The following BCAS3 variants were observed in gnomAD, a reference collection of about 807,000 sequenced individuals.
BCAS3 encodes BCAS3 microtubule associated cell migration factor.
BCAS3 carries 53 observed loss-of-function variants against 116.1 expected under a neutral mutation model. The observed-to-expected ratio is 0.46, with a 90% CI of 0.37 to 0.57. The LOEUF (loss-of-function observed/expected upper bound fraction) is 0.57, where lower values mean the gene tolerates loss of function less well. Ranked by LOEUF, BCAS3 falls within the 20% of genes least tolerant of loss-of-function variation. BCAS3 has a pLI of 0.00. For missense variants in BCAS3, 917 were observed against 1,165.4 expected, an observed-to-expected ratio of 0.79 and a Z score of 3.10; for synonymous variants, 391 against 408.2, an observed-to-expected ratio of 0.96 and a Z score of 0.51.
At chr17:61,195,720 G>T (rs958851329) in intron 22 of BCAS3, among the ~76,000 whole-genome samples, 9 of 151,072 alleles carry the variant, frequency 6.0e-5, no homozygotes, top group Admixed American at 1.3e-4. Flanking sequence ...TCTTTCTCAG[G>T]CTGGACTCAG....
chr17:60,685,450 CA>C (rs1204965872), intron 3 of BCAS3, among the ~76,000 whole-genome samples: 2,157 of 54,430 alleles, frequency 0.04, 91 homozygotes, highest in East Asian at 0.38. Context: ...AACTCCGTCT[CA>C]AAAAAAAAAA....
At position 61,052,135 on chromosome 17, in the gene BCAS3, T is replaced by A. The variant is rs535188081; in HGVS notation, c.2029+11243T>A. 5.3e-4 allele frequency among the ~76,000 whole-genome samples: 81 copies of A among 152,168 alleles called. 1 individual carries two copies. In the South Asian group the frequency reaches 0.012, roughly 23 times the overall value. On this transcript the variant is annotated intron_variant, in intron 19 of 23. Coordinates refer to ENST00000407086, the MANE Select transcript of BCAS3 (RefSeq NM_017679.5). ...TACAATTATGTCTTCAAATATTTTTTCTTTCACTCTCTCTGTCACTTTCCC... is the reference window on the plus strand; with the variant it reads ...TACAATTATGTCTTCAAATATTTTTACTTTCACTCTCTCTGTCACTTTCCC...
chr17:61,069,227 G>C (rs543213340), intron 19 of BCAS3, among the ~76,000 whole-genome samples: 1 of 152,254 alleles, frequency 6.6e-6, no homozygotes, highest in Admixed American at 6.5e-5. Flanking sequence ...AGATTTACAG[G>C]AAAAGGGAAG....
Position 60,770,870 on chromosome 17 carries a change from C to T in BCAS3, c.403+23591C>T, listed in dbSNP as rs557366724. On this transcript the variant is annotated intron_variant, in intron 6 of 23. Transcript: ENST00000407086. ...TTTTTTTTTTTTTTTTTTTTTGAGACAGGGTCTCACTCTGTCACGCAGGCT... is the reference window on the plus strand; with the variant it reads ...TTTTTTTTTTTTTTTTTTTTTGAGATAGGGTCTCACTCTGTCACGCAGGCT... Among the ~76,000 whole-genome samples, 145 of 89,480 alleles carry T rather than the reference C, an allele frequency of 1.6e-3. 1 individual carries two copies. Among genetic ancestry groups the T allele is most frequent in the African/African-American group, 5.3e-3 (138 of 25,840 alleles). The allele number at this position is 89,480 out of a possible 152,430, so 58.7% of individuals were successfully genotyped here.
rs35598768 is a variant in BCAS3, at chr17:61,252,881, A to ATTT, written c.2426-115432_2426-115430dup. 1.9e-4 allele frequency among the ~76,000 whole-genome samples: 26 copies of ATTT among 137,646 alleles called. 1 individual carries two copies. The highest frequency in any genetic ancestry group is 3.4e-3 in the Middle Eastern group (1 of 292). The allele number at this position is 137,646 out of a possible 152,430, so 90.3% of individuals were successfully genotyped here. Reference sequence around the variant, plus strand: ...GCTGTCCAGTAATCTGTTCCTATACATTTTTTTTTTTTTTTTGAGATGGAG... The same window carrying ATTT: ...GCTGTCCAGTAATCTGTTCCTATACATTTTTTTTTTTTTTTTTTTGAGATGGAG... On this transcript the variant is annotated intron_variant, in intron 22 of 23. Coordinates refer to ENST00000407086, the MANE Select transcript of BCAS3 (RefSeq NM_017679.5).
intron 22 of BCAS3, among the ~76,000 whole-genome samples, chr17:61,252,739 A>G (rs561644357): frequency 2.0e-5 from 3 of 152,314 alleles, no homozygotes; most frequent in Non-Finnish European, 2.9e-5. Context: ...GCTTACAACC[A>G]TAGTGATAGA....
At chr17:60,719,155 A>G (rs1210480171) in intron 5 of BCAS3, among the ~76,000 whole-genome samples, 5 of 152,234 alleles carry the variant, frequency 3.3e-5, no homozygotes, top group African/African-American at 1.2e-4. Context: ...AAAATAAGAA[A>G]GGTATGTGAA....
chr17:61,322,613 T>C (rs1229148605), intron 22 of BCAS3, among the ~76,000 whole-genome samples: 1 of 152,218 alleles, frequency 6.6e-6, no homozygotes, highest in Non-Finnish European at 1.5e-5. Context: ...TCTCTTCATT[T>C]CAAACAAGTG....
Position 61,077,635 on chromosome 17 carries a change from C to T in BCAS3, c.2131-698C>T, listed in dbSNP as rs1375331208. Reference sequence around the variant, plus strand: ...TACTGTTTTGTAGCACATCAAATGCCTGTGTCGATATTTGTGGCAGTTGAG... The same window carrying T: ...TACTGTTTTGTAGCACATCAAATGCTTGTGTCGATATTTGTGGCAGTTGAG... On this transcript the variant is annotated intron_variant, in intron 20 of 23. Transcript: ENST00000407086. The surrounding 1 kb of genome is among the most constrained non-coding windows in gnomAD (Gnocchi z 4.3). Among the ~76,000 whole-genome samples, 1 of 152,096 alleles carries T rather than the reference C, an allele frequency of 6.6e-6. No individual in the cohort carries two copies. Among genetic ancestry groups the T allele is most frequent in the African/African-American group, 2.4e-5 (1 of 41,412 alleles).
chr17:61,311,561 G>A (rs1406282236), intron 22 of BCAS3, among the ~76,000 whole-genome samples: 1 of 152,190 alleles, frequency 6.6e-6, no homozygotes, highest in Non-Finnish European at 1.5e-5. Flanking sequence ...GCTGCTTGAA[G>A]AACTTGGGGG....
At chr17:61,014,693 CTA>C (rs1248723776) in intron 15 of BCAS3, among the ~76,000 whole-genome samples, 1 of 150,286 alleles carries the variant, frequency 6.7e-6, no homozygotes, top group East Asian at 1.9e-4. Flanking sequence ...AGAAGTAAAA[CTA>C]TCTGTTTTTT....
chr17:60,907,380 T>C (rs2058242449), intron 11 of BCAS3, among the ~76,000 whole-genome samples: 1 of 152,232 alleles, frequency 6.6e-6, no homozygotes, highest in African/African-American at 2.4e-5. Flanking sequence ...AAAATGCCCC[T>C]GTTTTCTCTT....
At position 61,248,566 on chromosome 17, in the gene BCAS3, A is replaced by T. The variant is rs1238312013; in HGVS notation, c.2426-119761A>T. Among the ~76,000 whole-genome samples the T allele has an allele frequency of 2.0e-5, 3 of 152,130 alleles. No homozygotes were observed. Among genetic ancestry groups the T allele is most frequent in the African/African-American group, 7.2e-5 (3 of 41,410 alleles). On this transcript the variant is annotated intron_variant, in intron 22 of 23. Coordinates refer to ENST00000407086, the MANE Select transcript of BCAS3 (RefSeq NM_017679.5). The surrounding 1 kb of genome is among the most constrained non-coding windows in gnomAD (Gnocchi z 4.3). ...TAGAGTGCAAAGTCCATCTGGTGAG[A>T]ATTTGTCTGGTTTGTGCTTCCTCAG...
At chr17:60,748,979 A>T (rs760398129) in intron 6 of BCAS3, 2 of 152,214 alleles carry the variant, frequency 1.3e-5, no homozygotes, top group Non-Finnish European at 2.9e-5. Flanking sequence ...GGGGGGAAAA[A>T]GTAGAACAAG....
rs542457861 is a variant in BCAS3 at position 61,041,253 on chromosome 17, C to A, written c.2029+361C>A. The stretch of plus-strand genomic sequence containing the variant: ...TGTTTCTAACATGGAAAAAAAAAAA[C>A]CCCAAAACTTAGCACAGTTAAAAGT... On this transcript the variant is annotated intron_variant, in intron 19 of 23. Coordinates refer to ENST00000407086, the MANE Select transcript of BCAS3 (RefSeq NM_017679.5). The surrounding 1 kb of genome is among the most constrained non-coding windows in gnomAD (Gnocchi z 4.7). 4.0e-4 allele frequency among the ~76,000 whole-genome samples: 60 copies of A among 148,772 alleles called. No individual in the cohort carries two copies. Among genetic ancestry groups the A allele is most frequent in the South Asian group, 1.3e-3 (6 of 4,772 alleles).
Position 61,122,129 on chromosome 17 carries a change from G to A in BCAS3, c.2425+37565G>A, listed in dbSNP as rs1030633237. Among the ~76,000 whole-genome samples, 4 of 152,198 alleles carry A rather than the reference G, an allele frequency of 2.6e-5. No individual in the cohort carries two copies. In the South Asian group the frequency reaches 8.3e-4, roughly 32 times the overall value. Reference sequence around the variant, plus strand: ...CATAGTCTTGCCACAGCTGAAATAGGAAGAGTATTGAACAGTCTCCCTTCC... The same window carrying A: ...CATAGTCTTGCCACAGCTGAAATAGAAAGAGTATTGAACAGTCTCCCTTCC... On this transcript the variant is annotated intron_variant, in intron 22 of 23. Transcript: ENST00000407086. The surrounding 1 kb of genome is among the most constrained non-coding windows in gnomAD (Gnocchi z 4.6).
chr17:60,964,229 G>C lies in BCAS3; in HGVS notation c.1221+16877G>C, dbSNP rs944642628. 1.3e-5 allele frequency among the ~76,000 whole-genome samples: 2 copies of C among 152,116 alleles called. No homozygotes were observed. Among genetic ancestry groups the C allele is most frequent in the East Asian group, 3.9e-4 (2 of 5,176 alleles). On this transcript the variant is annotated intron_variant, in intron 14 of 23. Transcript: ENST00000407086. The surrounding 1 kb of genome is among the most constrained non-coding windows in gnomAD (Gnocchi z 4.6). Reference sequence around the variant, plus strand: ...GTTGTTTCTATACCCATTTTGATTAGGGGTTTTTTTATATCATAAAGGATG... The same window carrying C: ...GTTGTTTCTATACCCATTTTGATTACGGGTTTTTTTATATCATAAAGGATG...
intron 3 of BCAS3, among the ~76,000 whole-genome samples, chr17:60,686,996 A>G (rs1341318186): frequency 1.3e-5 from 2 of 152,206 alleles, no homozygotes; most frequent in African/African-American, 4.8e-5. Flanking sequence ...TGCTATAAAT[A>G]AAAATTATGG....
At chr17:61,154,633 A>C (rs551196346) in intron 22 of BCAS3, among the ~76,000 whole-genome samples, 16 of 151,764 alleles carry the variant, frequency 1.1e-4, no homozygotes, top group Non-Finnish European at 2.2e-4. Flanking sequence ...TCTATAGATG[A>C]GATCTCTCTA....
Sources: allele counts gnomAD v4.1 joint callset (sites outside exome capture counted in the v4.1 genomes callset), GRCh38; gene constraint gnomAD v4.1.1; non-coding constraint Gnocchi (gnomAD v3.1); transcripts MANE v1.5; gene names NCBI Gene and HGNC (gene_info 2026-07-23, HGNC 2026-07-21).